DYRK1A: variants seen among roughly 807,000 people sequenced by gnomAD.
DYRK1A encodes dual specificity tyrosine-phosphorylation-regulated kinase 1A.
Under a neutral mutation model 79.7 loss-of-function variants are expected in DYRK1A, and 9 were observed. That is an observed-to-expected ratio of 0.11 (90% CI 0.07 to 0.20). The LOEUF is 0.20. DYRK1A is among the 10% of genes least tolerant of loss of function. The pLI is 1.00. For missense variants in DYRK1A, 622 were observed against 956.0 expected (o/e 0.65, Z 4.61); for synonymous variants, 349 against 329.7 (o/e 1.06, Z -0.63).
chr21:37,379,765 A>C (rs2049618626), intron 1 of DYRK1A, among the ~76,000 whole-genome samples: 1 of 152,222 alleles, frequency 6.6e-6, no homozygotes, highest in African/African-American at 2.4e-5. Context: ...TTTGCCTGAA[A>C]AAAATCTCAT....
At chr21:37,438,317 A>G (rs73218421) in intron 2 of DYRK1A, among the ~76,000 whole-genome samples, 11,471 of 152,066 alleles carry the variant, frequency 0.075, 641 homozygotes, top group Non-Finnish European at 0.11. Flanking sequence ...TTCAATTTTT[A>G]TGAAGCCTAA....
At chr21:37,366,760 C>T (rs1324532091), upstream of DYRK1A, among the ~76,000 whole-genome samples, 1 of 151,946 alleles carries the variant, frequency 6.6e-6, no homozygotes, top group African/African-American at 2.4e-5. Context: ...TTTTGATTGA[C>T]AGTTGCTATA....
intron 1 of DYRK1A, among the ~76,000 whole-genome samples, chr21:37,381,554 A>G (rs991660951): frequency 1.3e-5 from 2 of 152,176 alleles, no homozygotes; most frequent in African/African-American, 4.8e-5. Context: ...TCACTCTTCT[A>G]GCCGACACAG....
Position 37,482,762 on chromosome 21 carries a change from C to T in DYRK1A, c.489+1936C>T, listed in dbSNP as rs187408991. Reference sequence around the variant, plus strand: ...CTACAGTCTCGACCATAGAAGACGGCCACACCCAAGGGGGCCATTTCAGAG... The same window carrying T: ...CTACAGTCTCGACCATAGAAGACGGTCACACCCAAGGGGGCCATTTCAGAG... On this transcript the variant is annotated intron_variant, in intron 5 of 11. Transcript: ENST00000647188. 6.1e-3 allele frequency among the ~76,000 whole-genome samples: 935 copies of T among 152,210 alleles called. 5 individuals carry two copies. The highest frequency in any genetic ancestry group is 0.044 in the Middle Eastern group (13 of 294).
chr21:37,402,838 C>T (rs1027163825), intron 1 of DYRK1A, among the ~76,000 whole-genome samples: 2 of 152,140 alleles, frequency 1.3e-5, no homozygotes, highest in African/African-American at 4.8e-5. Context: ...TCTCGGCTCA[C>T]TGCAACCTCT....
intron 2 of DYRK1A, among the ~76,000 whole-genome samples, chr21:37,461,936 C>T (rs1233353582): frequency 1.5e-5 from 2 of 137,464 alleles, no homozygotes; most frequent in African/African-American, 5.4e-5. Flanking sequence ...CTTATCTTTT[C>T]TTCTGCGGTG....
rs1433573350 is a variant in DYRK1A, at chr21:37,507,875, T to G, written c.1644+1652T>G. On this transcript the variant is annotated intron_variant, in intron 11 of 11. Transcript: ENST00000647188. ...CTAAGTCTTGACTTCTGACTTAGAC[T>G]TCACTTCTGAACCCCTGGGGCCTTT... is the stretch of plus-strand genomic sequence containing the variant. 2.0e-5 allele frequency among the ~76,000 whole-genome samples: 3 copies of G among 152,102 alleles called. No individual in the cohort carries two copies. In the East Asian group the frequency reaches 5.8e-4, roughly 29 times the overall value.
At chr21:37,373,626 C>G (rs1321949210) in intron 1 of DYRK1A, among the ~76,000 whole-genome samples, 1 of 152,226 alleles carries the variant, frequency 6.6e-6, no homozygotes, top group Non-Finnish European at 1.5e-5. Context: ...AAGGCAGTTT[C>G]TCACTACATC....
rs2053157906 is a variant in DYRK1A at position 37,493,284 on chromosome 21, G to T, written c.1071+121G>T. 4.1e-6 allele frequency: 4 copies of T among 982,604 alleles called. No individual in the cohort carries two copies. In the East Asian group the frequency reaches 1.0e-4, roughly 24 times the overall value. The allele number at this position is 982,604 out of a possible 1,614,324, so 60.9% of individuals were successfully genotyped here. Reference sequence around the variant, plus strand: ...TGTCTACTTAATCATTCAAATGTGAGGTCAGTTTGAATATACCTATTTTTC... The same window carrying T: ...TGTCTACTTAATCATTCAAATGTGATGTCAGTTTGAATATACCTATTTTTC... On this transcript the variant is annotated intron_variant, in intron 8 of 11. Coordinates refer to ENST00000647188, the MANE Select transcript of DYRK1A (RefSeq NM_001347721.2).
rs564394039 is a variant in DYRK1A, at chr21:37,442,479, GTCA to G, written c.10+22096_10+22098del. On this transcript the variant is annotated intron_variant, in intron 2 of 11. Transcript: ENST00000647188. Reference sequence around the variant, plus strand: ...TAGTTTTTATTGCTGTGTCTTCAAGGTCACTAGTCCTTTTTTCTGTACTATCTA... The same window carrying G: ...TAGTTTTTATTGCTGTGTCTTCAAGGCTAGTCCTTTTTTCTGTACTATCTA... Among the ~76,000 whole-genome samples, 283 of 152,226 alleles carry G rather than the reference GTCA, an allele frequency of 1.9e-3. 1 individual carries two copies. Among genetic ancestry groups the G allele is most frequent in the Admixed American group, 6.9e-3 (105 of 15,302 alleles).
At chr21:37,467,538 G>C (rs1426974100) in intron 2 of DYRK1A, among the ~76,000 whole-genome samples, 1 of 152,222 alleles carries the variant, frequency 6.6e-6, no homozygotes, top group Non-Finnish European at 1.5e-5. Flanking sequence ...CTCAAGGAAA[G>C]TCGTTTATCA....
rs2053867086 is a variant in DYRK1A at position 37,515,326 on chromosome 21, T to G, written c.*2795T>G. On this transcript the variant is annotated 3_prime_UTR_variant, in exon 12 of 12. Transcript: ENST00000647188. ...TAAAAAGGAAACTATTTGAGATACA[T>G]TGACATAGGCATCAGCAATCTCTGA... 6.5e-6 allele frequency: 1 copy of G among 152,680 alleles called. No individual in the cohort carries two copies. Among genetic ancestry groups the G allele is most frequent in the South Asian group, 2.1e-4 (1 of 4,834 alleles). The allele number at this position is 152,680 out of a possible 1,614,324, so 9.5% of individuals were successfully genotyped here. A position where few individuals can be genotyped will look rare whatever the true frequency, so the allele number is the denominator to read the frequency against.
At chr21:37,421,638 T>A (rs2050479265) in intron 2 of DYRK1A, 1 of 152,158 alleles carries the variant, frequency 6.6e-6, no homozygotes, top group African/African-American at 2.4e-5. Flanking sequence ...GCTCGCTGAT[T>A]GTTAAAAGCA....
intron 2 of DYRK1A, among the ~76,000 whole-genome samples, chr21:37,458,183 T>C (rs2051716260): frequency 6.6e-6 from 1 of 151,750 alleles, no homozygotes; most frequent in African/African-American, 2.4e-5. Flanking sequence ...ACGGGTTTCT[T>C]GGAAGACAGC....
intron 3 of DYRK1A, among the ~76,000 whole-genome samples, chr21:37,474,384 G>A (rs1423160032): frequency 6.6e-6 from 1 of 152,146 alleles, no homozygotes; most frequent in Non-Finnish European, 1.5e-5. Flanking sequence ...TTAAAGATTT[G>A]TGTGATGTAA....
At chr21:37,493,933 CTTTT>C (rs35158368) in intron 8 of DYRK1A, among the ~76,000 whole-genome samples, 27 of 114,224 alleles carry the variant, frequency 2.4e-4, no homozygotes, top group African/African-American at 2.9e-4. Context: ...TTTAATTCTT[CTTTT>C]TTTTTTTTTT....
rs551869061 is a variant in DYRK1A at position 37,465,816 on chromosome 21, A to G, written c.11-6868A>G. ...TGCACCACTGCCCTCCAGCCTGGGT[A>G]ACAGCGCAAGACTCTGTCTCAGAAA... On this transcript the variant is annotated intron_variant, in intron 2 of 11. Transcript: ENST00000647188. Among the ~76,000 whole-genome samples, 51 of 152,270 alleles carry G rather than the reference A, an allele frequency of 3.3e-4. No homozygotes were observed. The East Asian group carries it at 9.1e-3, about 27-fold the overall frequency.
intron 2 of DYRK1A, among the ~76,000 whole-genome samples, chr21:37,436,175 A>G (rs774934510): frequency 1.1e-4 from 17 of 152,186 alleles, no homozygotes; most frequent in Non-Finnish European, 2.5e-4. Flanking sequence ...GAGTCTGGGA[A>G]AGGGTTAAAG....
intron 7 of DYRK1A, 113 bp downstream of exon 7, chr21:37,490,574 CTGTTTT>C: frequency 1.9e-6 from 1 of 532,914 alleles, no homozygotes; most frequent in South Asian, 8.4e-5. Flanking sequence ...ATTGCAGTTG[CTGTTTT>C]TGCAGTGGCA....
Sources: gnomAD v4.1 joint callset for allele counts (sites outside exome capture counted in the v4.1 genomes callset) on GRCh38, gnomAD v4.1.1 for gene constraint, MANE v1.5 for transcripts, NCBI Gene and HGNC (gene_info 2026-07-23, HGNC 2026-07-21) for gene names.